COG4: variants seen among roughly 807,000 people sequenced by gnomAD.
COG4 encodes the protein component of oligomeric golgi complex 4.
COG4 carries 65 observed loss-of-function variants against 95.1 expected under a neutral mutation model. The ratio of observed to expected loss-of-function variants is 0.68; its 90% CI spans 0.56 to 0.84. The LOEUF is 0.84. Among genes scored for constraint, COG4 ranks in the 40% least tolerant of loss-of-function variants. COG4 has a pLI of 0.00. For synonymous variants in COG4, 421 were observed against 374.8 expected, an observed-to-expected ratio of 1.12 and a Z score of -1.42; for missense variants, 1,045 against 989.1, an observed-to-expected ratio of 1.06 and a Z score of -0.76.
At chr16:70,503,438 T>G (rs16970226) in intron 8 of COG4, among the ~76,000 whole-genome samples, 18,283 of 152,192 alleles carry the variant, frequency 0.12, 3,637 homozygotes, top group African/African-American at 0.41. Flanking sequence ...ACAGCCTGAC[T>G]CTAATGATCT....
chr16:70,507,344 A>G (rs1231140448), intron 8 of COG4, among the ~76,000 whole-genome samples: 1 of 152,160 alleles, frequency 6.6e-6, no homozygotes, highest in Non-Finnish European at 1.5e-5. Flanking sequence ...TCTATGGTAC[A>G]GTACATAATA....
chr16:70,481,639 T>C, intron 17 of COG4, 125 bp downstream of exon 17: 1 of 1,380,232 alleles, frequency 7.2e-7, no homozygotes, highest in Non-Finnish European at 1.0e-6. Flanking sequence ...AGAGCAGGAC[T>C]GGACCCAGAC....
rs1276662286 is a variant in COG4, at chr16:70,514,500, A to G, written c.379T>C (p.Tyr127His). 1.2e-6 allele frequency: 2 copies of G among 1,614,030 alleles called. No homozygotes were observed. Among genetic ancestry groups the G allele is most frequent in the South Asian group, 1.1e-5 (1 of 91,078 alleles). ...RQLDLAKNRL[Y>H]QAIQRADDIL... ...TCATCAGCTCTCTGAATGGCCTGAT[A>G]GAGGCGGTTCTGCAAAAAGATTTGG... Residue 127 changes from tyrosine (Y) to histidine (H), a missense_variant, in exon 4 of 19, where the codon TAT becomes CAT. Tyr to His is a moderately conservative substitution (Grantham distance 83). Coordinates refer to ENST00000323786, the MANE Select transcript of COG4 (RefSeq NM_015386.3).
intron 13 of COG4, among the ~76,000 whole-genome samples, 192 bp downstream of exon 13, chr16:70,490,138 C>G (rs1229532573): frequency 6.6e-6 from 1 of 152,160 alleles, no homozygotes; most frequent in Admixed American, 6.6e-5. Context: ...AATTTGAATT[C>G]TGATCTTCCA....
chr16:70,484,018 G>T, intron 13 of COG4, 49 bp from the exon 14 acceptor site: 1 of 1,336,202 alleles, frequency 7.5e-7, no homozygotes, highest in Non-Finnish European at 1.1e-6. Context: ...TGGGCCATGG[G>T]AGTGTGAGGA....
chr16:70,483,791 A>G, intron 14 of COG4, 62 bp downstream of exon 14: 2 of 1,297,096 alleles, frequency 1.5e-6, no homozygotes, highest in African/African-American at 1.5e-5. Context: ...GAGCCAGCTA[A>G]CAATCTTCTC....
intron 3 of COG4, among the ~76,000 whole-genome samples, 195 bp from the exon 4 acceptor site, chr16:70,514,704 C>T (rs746383687): frequency 2.0e-5 from 3 of 152,002 alleles, no homozygotes; most frequent in Non-Finnish European, 1.5e-5. Flanking sequence ...ATGTTAATAA[C>T]GTGATCAAAT....
chr16:70,511,564 AT>A (rs1271768423), intron 5 of COG4, among the ~76,000 whole-genome samples: 2 of 151,710 alleles, frequency 1.3e-5, no homozygotes, highest in East Asian at 3.9e-4. Flanking sequence ...AAAAAAAAAA[AT>A]TGCAACGCAT....
chr16:70,502,062 T>G (rs2049463033), intron 8 of COG4, among the ~76,000 whole-genome samples: 1 of 150,948 alleles, frequency 6.6e-6, no homozygotes. Flanking sequence ...GGCGGGCGGA[T>G]CATGAGGTCA....
chr16:70,497,137 G>A (rs890870049), intron 11 of COG4, 84 bp downstream of exon 11: 2 of 1,317,776 alleles, frequency 1.5e-6, no homozygotes, highest in Non-Finnish European at 2.2e-6. Flanking sequence ...AGAATCATGA[G>A]GACAAAGGGC....
Position 70,512,191 on chromosome 16 carries a change from C to T in COG4, c.738+48G>A, listed in dbSNP as rs768647583. The stretch of plus-strand genomic sequence containing the variant: ...TGGATCCATCCAGTGCCCCAATCTG[C>T]AGGCAGACAGCCACACAATTATCCT... On this transcript the variant is annotated intron_variant, in intron 5 of 18. Coordinates refer to ENST00000323786, the MANE Select transcript of COG4 (RefSeq NM_015386.3). 4.5e-6 allele frequency: 7 copies of T among 1,566,290 alleles called. No homozygotes were observed. In the Middle Eastern group the frequency reaches 7.6e-4, roughly 170 times the overall value.
At chr16:70,519,770 G>C (rs2049897104) in intron 1 of COG4, 39 bp from the exon 2 acceptor site, 3 of 1,462,210 alleles carry the variant, frequency 2.1e-6, no homozygotes, top group Non-Finnish European at 2.9e-6. Context: ...AGAATGATCA[G>C]AAGGAACCTT....
At chr16:70,515,008 C>G (rs937565218) in intron 3 of COG4, among the ~76,000 whole-genome samples, 1 of 143,360 alleles carries the variant, frequency 7.0e-6, no homozygotes, top group Non-Finnish European at 1.5e-5. Context: ...GTCACAGAGC[C>G]CAACTTTTTT....
intron 5 of COG4, among the ~76,000 whole-genome samples, chr16:70,511,534 G>C (rs952531179): frequency 2.0e-5 from 3 of 151,088 alleles, no homozygotes; most frequent in African/African-American, 7.3e-5. Context: ...GGGTAACACA[G>C]TGAGACCGTT....
intron 7 of COG4, 140 bp downstream of exon 7, chr16:70,509,091 T>C: frequency 9.6e-7 from 1 of 1,046,822 alleles, no homozygotes. Flanking sequence ...ATGGGCAAGA[T>C]GCAGGCCAGT....
intron 1 of COG4, among the ~76,000 whole-genome samples, chr16:70,521,507 A>C (rs60757048): frequency 0.12 from 18,254 of 151,866 alleles, 3,635 homozygotes; most frequent in African/African-American, 0.41. Context: ...CAGGCATGAG[A>C]CACCAAGCCC....
At chr16:70,523,136 G>C (rs2049988088) in intron 1 of COG4, 2 of 571,226 alleles carry the variant, frequency 3.5e-6, no homozygotes, top group South Asian at 4.0e-5. Flanking sequence ...AATCAACGGG[G>C]GTCTAGGGAG....
At chr16:70,485,440 G>T (rs2049108535) in intron 13 of COG4, among the ~76,000 whole-genome samples, 1 of 151,590 alleles carries the variant, frequency 6.6e-6, no homozygotes, top group African/African-American at 2.4e-5. Flanking sequence ...CTGACCTCAG[G>T]TGATCCACCC....
chr16:70,522,155 A>G (rs9926355), intron 1 of COG4, among the ~76,000 whole-genome samples: 18,262 of 151,092 alleles, frequency 0.12, 3,638 homozygotes, highest in African/African-American at 0.42. Flanking sequence ...GCGTCACCAC[A>G]CCCGGCTAGT....
Sources: gnomAD v4.1 joint callset for allele counts (sites outside exome capture counted in the v4.1 genomes callset) on GRCh38, gnomAD v4.1.1 for gene constraint, MANE v1.5 for transcripts, NCBI Gene and HGNC (gene_info 2026-07-23, HGNC 2026-07-21) for gene names.